Variants in SLCO5A1 observed in about 807,000 individuals in gnomAD.
SLCO5A1 encodes solute carrier organic anion transporter family member 5A1, also known as organic anion transporter polypeptide-related protein 4.
In SLCO5A1, 39 loss-of-function variants were observed where a neutral mutation model predicts 65.1. The observed-to-expected ratio is 0.60, with a 90% confidence interval of 0.46 to 0.78. The LOEUF is 0.78. Among genes scored for constraint, SLCO5A1 ranks in the 30% least tolerant of loss-of-function variants. The probability of loss-of-function intolerance (pLI) is 0.00; values close to 1 mark genes in which losing one functional copy is unlikely to be tolerated. For synonymous variants in SLCO5A1, 438 were observed against 415.7 expected, an observed-to-expected ratio of 1.05 and a Z score of -0.65; for missense variants, 1,029 against 1,069.4, an observed-to-expected ratio of 0.96 and a Z score of 0.53.
At chr8:69,794,309 A>G in intron 2 of SLCO5A1, 1 of 459,444 alleles carries the variant, frequency 2.2e-6, no homozygotes, top group Non-Finnish European at 4.3e-6. Flanking sequence ...ATGTAGCAAA[A>G]GTAGATGTCA....
intron 5 of SLCO5A1, among the ~76,000 whole-genome samples, chr8:69,715,724 T>C (rs1483845927): frequency 6.6e-6 from 1 of 152,202 alleles, no homozygotes; most frequent in Admixed American, 6.5e-5. Flanking sequence ...ATATTAATTC[T>C]GCCGAGTGAA....
At chr8:69,690,355 A>G (rs1166216152) in intron 6 of SLCO5A1, among the ~76,000 whole-genome samples, 2 of 151,184 alleles carry the variant, frequency 1.3e-5, no homozygotes, top group African/African-American at 4.9e-5. Context: ...CAGAAATCAC[A>G]TCGCGTCAAC....
chr8:69,765,889 C>G (rs1486442261), intron 2 of SLCO5A1, among the ~76,000 whole-genome samples: 1 of 152,170 alleles, frequency 6.6e-6, no homozygotes, highest in Middle Eastern at 3.2e-3. Flanking sequence ...TGACTGTCCT[C>G]CCCTAAGTGG....
chr8:69,761,628 G>T, intron 3 of SLCO5A1, 115 bp downstream of exon 3: 1 of 1,120,722 alleles, frequency 8.9e-7, no homozygotes, highest in East Asian at 2.6e-5. Context: ...CCCTTCCCAG[G>T]CACCTTTCAG....
intron 5 of SLCO5A1, chr8:69,713,680 AT>A: frequency 6.6e-6 from 1 of 152,334 alleles, no homozygotes; most frequent in Non-Finnish European, 1.5e-5. Flanking sequence ...AATTAGAAGC[AT>A]TTTTCTTTCA....
intron 4 of SLCO5A1, among the ~76,000 whole-genome samples, chr8:69,744,344 G>T (rs1816933038): frequency 6.6e-6 from 1 of 152,260 alleles, no homozygotes; most frequent in Admixed American, 6.5e-5. Context: ...CCTGCCCCAA[G>T]CTTCATCCAT....
chr8:69,797,972 C>T (rs1819572280), intron 2 of SLCO5A1, among the ~76,000 whole-genome samples: 1 of 152,178 alleles, frequency 6.6e-6, no homozygotes, highest in African/African-American at 2.4e-5. Flanking sequence ...TAGAAACCTG[C>T]TGGTTTTATG....
At chr8:69,833,280 G>C (rs967234222) in intron 1 of SLCO5A1, 111 bp from the exon 2 acceptor site, 1 of 152,506 alleles carries the variant, frequency 6.6e-6, no homozygotes, top group African/African-American at 2.4e-5. Flanking sequence ...TAGAGGGACG[G>C]AGGAGCTAGT....
At chr8:69,697,411 TAC>T (rs1482007189) in intron 6 of SLCO5A1, among the ~76,000 whole-genome samples, 1 of 152,038 alleles carries the variant, frequency 6.6e-6, no homozygotes, top group East Asian at 1.9e-4. Flanking sequence ...TATATATATA[TAC>T]ACACACAGCT....
At chr8:69,826,352 A>T (rs1436171980) in intron 2 of SLCO5A1, among the ~76,000 whole-genome samples, 16 of 149,460 alleles carry the variant, frequency 1.1e-4, no homozygotes, top group Admixed American at 2.7e-4. Context: ...TAACCTACAA[A>T]ATGGGAGAAA....
At chr8:69,674,408 A>C (rs1813464185) in intron 9 of SLCO5A1, among the ~76,000 whole-genome samples, 1 of 152,180 alleles carries the variant, frequency 6.6e-6, no homozygotes, top group African/African-American at 2.4e-5. Flanking sequence ...GGAAGCTGTG[A>C]GTGATACGTT....
At chr8:69,710,885 A>T (rs1815211415) in intron 5 of SLCO5A1, among the ~76,000 whole-genome samples, 1 of 152,124 alleles carries the variant, frequency 6.6e-6, no homozygotes, top group Non-Finnish European at 1.5e-5. Flanking sequence ...CTGACCACTC[A>T]TTTACGCGAA....
Position 69,672,074 on chromosome 8 carries a change from T to G in SLCO5A1, c.*795A>C, listed in dbSNP as rs1212925047. 6.6e-6 allele frequency: 1 copy of G among 152,252 alleles called. No homozygotes were observed. Among genetic ancestry groups the G allele is most frequent in the Non-Finnish European group, 1.5e-5 (1 of 68,046 alleles). The allele number at this position is 152,252 out of a possible 1,614,324, so 9.4% of individuals were successfully genotyped here. ...TTCAAATTACAGTTTCTAGCCATATTGTTTAGCACACTAGTTTTAATGCTC... is the reference window on the plus strand; with the variant it reads ...TTCAAATTACAGTTTCTAGCCATATGGTTTAGCACACTAGTTTTAATGCTC... On this transcript the variant is annotated 3_prime_UTR_variant, in exon 10 of 10. Transcript: ENST00000260126.
At chr8:69,768,620 C>T (rs968508505) in intron 2 of SLCO5A1, among the ~76,000 whole-genome samples, 13 of 151,790 alleles carry the variant, frequency 8.6e-5, no homozygotes, top group African/African-American at 2.9e-4. Context: ...CTTCTTGCTG[C>T]GTCCTCACCT....
intron 4 of SLCO5A1, among the ~76,000 whole-genome samples, chr8:69,739,186 C>A (rs1178874718): frequency 6.6e-6 from 1 of 152,152 alleles, no homozygotes; most frequent in Non-Finnish European, 1.5e-5. Context: ...AAAAATCAAA[C>A]AAACCAAAAC....
intron 2 of SLCO5A1, among the ~76,000 whole-genome samples, chr8:69,792,337 G>A (rs1190328787): frequency 1.3e-5 from 2 of 152,144 alleles, no homozygotes; most frequent in African/African-American, 4.8e-5. Context: ...AAGGGGGCAG[G>A]AGGGCAAAAG....
intron 4 of SLCO5A1, 93 bp from the exon 5 acceptor site, chr8:69,738,297 C>T: frequency 8.3e-7 from 1 of 1,208,536 alleles, no homozygotes; most frequent in Non-Finnish European, 1.1e-6. Flanking sequence ...CTGGAAATAG[C>T]CATTCAGCAA....
At chr8:69,725,777 A>T (rs1306253131) in intron 5 of SLCO5A1, among the ~76,000 whole-genome samples, 2 of 152,170 alleles carry the variant, frequency 1.3e-5, no homozygotes, top group South Asian at 2.1e-4. Context: ...TGAACCAAGG[A>T]TAAGATGCAC....
intron 6 of SLCO5A1, among the ~76,000 whole-genome samples, chr8:69,686,397 C>G (rs1252186157): frequency 1.3e-5 from 2 of 152,056 alleles, no homozygotes; most frequent in Admixed American, 6.6e-5. Context: ...ATATGAGAAC[C>G]CTTCTTTGGC....
Sources: allele counts gnomAD v4.1 joint callset (sites outside exome capture counted in the v4.1 genomes callset), GRCh38; gene constraint gnomAD v4.1.1; transcripts MANE v1.5; gene names NCBI Gene and HGNC (gene_info 2026-07-23, HGNC 2026-07-21).